Variants in BCR observed in about 807,000 individuals in gnomAD.
The protein encoded by BCR is breakpoint cluster region protein.
A neutral mutation model predicts 138.6 loss-of-function variants in BCR; 58 were observed. The observed-to-expected ratio is 0.42, with a 90% CI of 0.34 to 0.52. The LOEUF is 0.52. BCR is among the 20% of genes least tolerant of loss of function. The probability of loss-of-function intolerance (pLI) is 0.06; values close to 1 mark genes in which losing one functional copy is unlikely to be tolerated. For synonymous variants in BCR, 786 were observed against 730.1 expected, an observed-to-expected ratio of 1.08 and a Z score of -1.23; for missense variants, 1,599 against 1,727.2, an observed-to-expected ratio of 0.93 and a Z score of 1.32.
chr22:23,191,833 C>G (rs1013633952), intron 1 of BCR, among the ~76,000 whole-genome samples: 16 of 152,286 alleles, frequency 1.1e-4, no homozygotes, highest in Admixed American at 3.3e-4. Context: ...TTTTGGGGGC[C>G]TAGTGATACA....
rs758596705 is a variant in BCR at position 23,314,023 on chromosome 22, G to A, written c.3513G>A (p.Leu1171=). The A allele has an allele frequency of 1.2e-6, 2 of 1,613,944 alleles. No homozygotes were observed. Among genetic ancestry groups the A allele is most frequent in the South Asian group, 2.2e-5 (2 of 91,082 alleles). ...GCATGCTCAACCTGCTGCTGTCCCT[G>A]CCGGAGGCCAACCTGCTCACCTTCC... ...ESCMLNLLLS[L]PEANLLTFLF... The change falls in exon 21 of 23, where the codon CTG becomes CTA. Residue 1171 remains leucine (L), a synonymous_variant. Coordinates refer to ENST00000305877, the MANE Select transcript of BCR (RefSeq NM_004327.4).
chr22:23,315,411 C>G (rs2074058989), intron 22 of BCR, 22 bp from the exon 23 acceptor site: 2 of 1,612,052 alleles, frequency 1.2e-6, no homozygotes, highest in Non-Finnish European at 1.7e-6. Context: ...CCACTCTTCT[C>G]TTCCCTACTC....
chr22:23,204,240 G>A (rs749550589), intron 1 of BCR, among the ~76,000 whole-genome samples: 5 of 152,078 alleles, frequency 3.3e-5, no homozygotes, highest in Non-Finnish European at 7.4e-5. Flanking sequence ...TGGGACCCAC[G>A]CTTGCTCCTC....
chr22:23,253,940 G>A lies in BCR; in HGVS notation c.1421G>A (p.Arg474Gln), dbSNP rs549357360. 3.3e-5 allele frequency: 54 copies of A among 1,613,074 alleles called. No homozygotes were observed. Among genetic ancestry groups the A allele is most frequent in the Admixed American group, 3.2e-4 (19 of 60,002 alleles). Residue 474 changes from arginine to glutamine, a missense_variant, in exon 2 of 23, where the codon CGG (arginine) becomes CAG (glutamine). Coordinates refer to ENST00000305877, the MANE Select transcript of BCR (RefSeq NM_004327.4). ...CTCAGCAGCAAGGGCAGGGGCAGCC[G>A]GGATGCGCTGGTCTCGGGAGCCCTG... ...PHLSSKGRGS[R>Q]DALVSGALES...
chr22:23,266,719 G>A (rs377141185), intron 4 of BCR, among the ~76,000 whole-genome samples: 69 of 152,204 alleles, frequency 4.5e-4, no homozygotes, highest in African/African-American at 1.6e-3. Flanking sequence ...AGGCCCACTC[G>A]GGTTTGCCAG....
chr22:23,287,412 C>T (rs897249716), intron 11 of BCR, 134 bp downstream of exon 11: 9 of 1,358,932 alleles, frequency 6.6e-6, no homozygotes, highest in Non-Finnish European at 3.9e-6. Flanking sequence ...CATGCAAGCA[C>T]GCACATTCCT....
chr22:23,226,977 C>T (rs1316078535), intron 1 of BCR, among the ~76,000 whole-genome samples: 1 of 152,128 alleles, frequency 6.6e-6, no homozygotes, highest in Non-Finnish European at 1.5e-5. Flanking sequence ...GAGCATTTGC[C>T]ATTGGTGACC....
intron 4 of BCR, chr22:23,263,642 T>C: frequency 6.8e-7 from 1 of 1,478,500 alleles, no homozygotes. Flanking sequence ...ACCTCGCATA[T>C]TGTCAGTGCA....
At chr22:23,244,424 G>A (rs556473717) in intron 1 of BCR, among the ~76,000 whole-genome samples, 1 of 152,302 alleles carries the variant, frequency 6.6e-6, no homozygotes, top group South Asian at 2.1e-4. Context: ...CCTCAGGGGA[G>A]CCAGTGTCTG....
chr22:23,208,850 G>A (rs780675787), intron 1 of BCR, among the ~76,000 whole-genome samples: 4 of 151,992 alleles, frequency 2.6e-5, no homozygotes, highest in African/African-American at 9.7e-5. Flanking sequence ...GCGAGACTCC[G>A]TCTAAAAACA....
Position 23,249,381 on chromosome 22 carries a change from G to A in BCR, c.1280-4418G>A, listed in dbSNP as rs144379095. ...CGGAAGGTGGAGCTTACAGTGAGCCGAAATCGCGCCACTGCACTCCAGCCT... is the reference window on the plus strand; with the variant it reads ...CGGAAGGTGGAGCTTACAGTGAGCCAAAATCGCGCCACTGCACTCCAGCCT... On this transcript the variant is annotated intron_variant, in intron 1 of 22. Transcript: ENST00000305877. Among the ~76,000 whole-genome samples the A allele has an allele frequency of 3.0e-3, 444 of 146,396 alleles. 1 individual carries two copies. Among genetic ancestry groups the A allele is most frequent in the African/African-American group, 0.011 (414 of 39,272 alleles).
At chr22:23,201,106 G>A (rs1163821784) in intron 1 of BCR, among the ~76,000 whole-genome samples, 1 of 152,240 alleles carries the variant, frequency 6.6e-6, no homozygotes, top group African/African-American at 2.4e-5. Flanking sequence ...AGGGCAGCAG[G>A]TCCCTACTCT....
rs944952913 is a variant in BCR, at chr22:23,313,903, T to C, written c.3458-65T>C. ...GGACACAAGCCCCAGGTGCTCCATG[T>C]GAACACCTCGGGAGAGGTCTCTGGC... is the stretch of plus-strand genomic sequence containing the variant. On this transcript the variant is annotated intron_variant, in intron 20 of 22. Transcript: ENST00000305877. The C allele has an allele frequency of 1.1e-5, 14 of 1,316,572 alleles. No individual in the cohort carries two copies. The African/African-American group carries it at 1.3e-4, about 12-fold the overall frequency. 81.6% of individuals were successfully genotyped at this position (1,316,572 alleles called of 1,614,324 possible).
At chr22:23,235,135 C>T (rs1352097627) in intron 1 of BCR, among the ~76,000 whole-genome samples, 1 of 143,886 alleles carries the variant, frequency 6.9e-6, no homozygotes, top group African/African-American at 2.5e-5. Context: ...TGGAGTCTCT[C>T]GCTCTGTCAC....
chr22:23,255,813 T>C (rs2073288251), intron 2 of BCR, among the ~76,000 whole-genome samples: 1 of 152,230 alleles, frequency 6.6e-6, no homozygotes, highest in Non-Finnish European at 1.5e-5. Context: ...ACAGGAGCTG[T>C]AGATGTTTCT....
chr22:23,199,478 A>C, intron 1 of BCR: 2 of 364,606 alleles, frequency 5.5e-6, no homozygotes, highest in Non-Finnish European at 1.1e-5. Context: ...CTTTGTTTTC[A>C]CTCCTCAGGA....
At chr22:23,264,135 A>G in intron 4 of BCR, 1 of 1,520,798 alleles carries the variant, frequency 6.6e-7, no homozygotes, top group South Asian at 1.1e-5. Flanking sequence ...CCACAACAGC[A>G]CCCTGTACTG....
rs968688651 is a variant in BCR, at chr22:23,285,120, C to T, written c.2325C>T (p.Asn775=). 2 of 1,613,978 alleles carry T rather than the reference C, an allele frequency of 1.2e-6. No homozygotes were observed. Among genetic ancestry groups the T allele is most frequent in the Non-Finnish European group, 1.7e-6 (2 of 1,180,012 alleles). ...TGGATGAACTGGAGGCAGTGCCCAA[C>T]ATCCCCCTGGTGCCCGATGAGGAGC... ...QMVDELEAVP[N]IPLVPDEELD... The change falls in exon 10 of 23, where the codon AAC becomes AAT. Residue 775 remains asparagine, a synonymous_variant. Transcript: ENST00000305877.
chr22:23,237,734 G>C (rs1461885887), intron 1 of BCR, among the ~76,000 whole-genome samples: 3 of 152,194 alleles, frequency 2.0e-5, no homozygotes, highest in Non-Finnish European at 4.4e-5. Context: ...GGCTTCCAGA[G>C]CCCTGGCTGG....
Sources: allele counts gnomAD v4.1 joint callset (sites outside exome capture counted in the v4.1 genomes callset), GRCh38; gene constraint gnomAD v4.1.1; transcripts MANE v1.5; gene names NCBI Gene and HGNC (gene_info 2026-07-23, HGNC 2026-07-21).